VPS13D: variants seen among roughly 807,000 people sequenced by gnomAD.
VPS13D encodes the protein intermembrane lipid transfer protein VPS13D.
A neutral mutation model predicts 461.9 loss-of-function variants in VPS13D; 187 were observed. The observed-to-expected ratio is 0.40, with a 90% CI of 0.36 to 0.46. The LOEUF is 0.46. VPS13D is among the 20% of genes least tolerant of loss of function. The pLI, the probability that VPS13D is intolerant of heterozygous loss-of-function variation, is 0.60. For missense variants in VPS13D, 4,711 were observed against 5,364.9 expected (o/e 0.88, Z 3.81); for synonymous variants, 1,951 against 1,986.3 (o/e 0.98, Z 0.47).
intron 67 of VPS13D, among the ~76,000 whole-genome samples, chr1:12,474,600 A>G (rs1645605778): frequency 6.6e-6 from 1 of 152,124 alleles, no homozygotes; most frequent in African/African-American, 2.4e-5. Context: ...TGCACCTTTT[A>G]TTTCACGATT....
chr1:12,266,743 T>G, intron 13 of VPS13D, 138 bp from the exon 14 acceptor site: 1 of 845,024 alleles, frequency 1.2e-6, no homozygotes, highest in South Asian at 2.6e-5. Flanking sequence ...TAGATAGGGT[T>G]TTTTTGTTTG....
Position 12,267,908 on chromosome 1 carries a change from G to A in VPS13D, c.1789G>A (p.Asp597Asn), listed in dbSNP as rs1295111044. The change falls in exon 15 of 70, where the codon GAT (aspartate) becomes AAT (asparagine). Residue 597 changes from aspartate (D) to asparagine (N), a missense_variant. Around this residue, in one of 3 missense-constraint regions of VPS13D, gnomAD observed 4,411 missense variants for 4,937.8 expected, o/e 0.89. Transcript: ENST00000620676. Reference sequence around the variant, plus strand: ...ACAAACTACATCTGCAGACAGAAGTGATCATTACCCAGGTAATTTGTCCTA... The same window carrying A: ...ACAAACTACATCTGCAGACAGAAGTAATCATTACCCAGGTAATTTGTCCTA... ...GLQTTSADRSDHYPAADPDGP... is the reference protein window; with the variant it reads ...GLQTTSADRSNHYPAADPDGP... 3.1e-6 allele frequency: 5 copies of A among 1,613,562 alleles called. No individual in the cohort carries two copies. The South Asian group carries it at 4.4e-5, about 14-fold the overall frequency.
rs12138601 is a variant in VPS13D, at chr1:12,473,140, G to A, written c.12662+12744G>A. On this transcript the variant is annotated intron_variant, in intron 67 of 69. Transcript: ENST00000620676. The surrounding 1 kb of genome is among the most constrained non-coding windows in gnomAD (Gnocchi z 4.2). ...TCAGAGGGGCCAGCAGCTGGGGAGC[G>A]ACTGTACTTAGATCCTGGGTGCTGA... 3.3e-5 allele frequency among the ~76,000 whole-genome samples: 5 copies of A among 152,176 alleles called. No individual in the cohort carries two copies. The highest frequency in any genetic ancestry group is 7.3e-5 in the Non-Finnish European group (5 of 68,028).
At chr1:12,288,402 T>A in intron 22 of VPS13D, 89 bp downstream of exon 22, 1 of 1,180,450 alleles carries the variant, frequency 8.5e-7, no homozygotes, top group Non-Finnish European at 1.3e-6. Flanking sequence ...CCTCACGTGC[T>A]GAGTAAGGTG....
intron 65 of VPS13D, chr1:12,453,853 G>C (rs1645293783): frequency 6.6e-6 from 1 of 152,154 alleles, no homozygotes; most frequent in South Asian, 2.1e-4. Context: ...CACAGTGCCA[G>C]AGCTGGAAAG....
chr1:12,245,988 T>G (rs1037487571), intron 5 of VPS13D, among the ~76,000 whole-genome samples: 1 of 152,214 alleles, frequency 6.6e-6, no homozygotes, highest in African/African-American at 2.4e-5. Context: ...TGTCAAAGAT[T>G]AAACAAAGCT....
At chr1:12,448,146 T>A (rs1645217676) in intron 65 of VPS13D, among the ~76,000 whole-genome samples, 1 of 151,990 alleles carries the variant, frequency 6.6e-6, no homozygotes, top group African/African-American at 2.4e-5. Flanking sequence ...CTAAAGAGAG[T>A]GTGTCTTTTG....
rs185792239 is a variant in VPS13D at position 12,260,326 on chromosome 1, C to T, written c.1111-367C>T. ...AGGCGTGAGCCACCGCACCTGGCCA[C>T]ACTTTAGTGACTCTTAAAACTGAGT... On this transcript the variant is annotated intron_variant, in intron 10 of 69. Coordinates refer to ENST00000620676, the MANE Select transcript of VPS13D (RefSeq NM_015378.4). Among the ~76,000 whole-genome samples, 243 of 152,188 alleles carry T rather than the reference C, an allele frequency of 1.6e-3. 1 individual carries two copies. Among genetic ancestry groups the T allele is most frequent in the African/African-American group, 5.7e-3 (237 of 41,536 alleles).
At chr1:12,475,245 A>G (rs926288979) in intron 67 of VPS13D, among the ~76,000 whole-genome samples, 22 of 152,156 alleles carry the variant, frequency 1.4e-4, no homozygotes, top group African/African-American at 5.3e-4. Flanking sequence ...CTCTGATGCT[A>G]CTGTGCTTTG....
At chr1:12,292,248 G>A (rs1472536277) in intron 23 of VPS13D, among the ~76,000 whole-genome samples, 4 of 114,450 alleles carry the variant, frequency 3.5e-5, no homozygotes, top group African/African-American at 1.4e-4. Context: ...GGTGACAAGA[G>A]CGAAACTCCA....
At chr1:12,284,169 C>T (rs936704333) in intron 21 of VPS13D, among the ~76,000 whole-genome samples, 1 of 152,200 alleles carries the variant, frequency 6.6e-6, no homozygotes, top group South Asian at 2.1e-4. Context: ...TTGAGGGCAA[C>T]AGCGTAACTG....
intron 46 of VPS13D, among the ~76,000 whole-genome samples, chr1:12,353,009 G>T (rs1021375675): frequency 2.2e-5 from 3 of 134,364 alleles, no homozygotes; most frequent in African/African-American, 8.5e-5. Context: ...ACCCAGCAAG[G>T]CCACTCTGGG....
intron 22 of VPS13D, among the ~76,000 whole-genome samples, chr1:12,290,417 T>C (rs1642092014): frequency 6.6e-6 from 1 of 152,072 alleles, no homozygotes; most frequent in South Asian, 2.1e-4. Flanking sequence ...TTTATAAAGG[T>C]TTTATCCTTT....
intron 23 of VPS13D, among the ~76,000 whole-genome samples, chr1:12,291,733 C>T (rs1020632879): frequency 2.6e-5 from 4 of 152,194 alleles, no homozygotes; most frequent in Non-Finnish European, 5.9e-5. Flanking sequence ...TGTCCTGAGA[C>T]AAGTCATGCA....
chr1:12,296,880 A>G (rs763742258), intron 24 of VPS13D, among the ~76,000 whole-genome samples: 2 of 152,216 alleles, frequency 1.3e-5, no homozygotes, highest in African/African-American at 2.4e-5. Flanking sequence ...AGATACTTGT[A>G]TATTACTGAG....
chr1:12,436,497 A>G (rs763971910), intron 65 of VPS13D, among the ~76,000 whole-genome samples: 3 of 152,130 alleles, frequency 2.0e-5, no homozygotes, highest in Non-Finnish European at 2.9e-5. Flanking sequence ...AGACTGGCTC[A>G]TTGTACATCC....
At chr1:12,448,079 G>A (rs142261314) in intron 65 of VPS13D, among the ~76,000 whole-genome samples, 3 of 152,208 alleles carry the variant, frequency 2.0e-5, no homozygotes, top group Non-Finnish European at 4.4e-5. Context: ...AACCAAGGTC[G>A]CCGTGGGTAA....
At position 12,348,906 on chromosome 1, in the gene VPS13D, C is replaced by T. The variant is rs148900735; in HGVS notation, c.9153C>T (p.Ala3051=). The change falls in exon 45 of 70, where the codon GCC becomes GCT. Residue 3051 remains alanine (A), a synonymous_variant. Coordinates refer to ENST00000620676, the MANE Select transcript of VPS13D (RefSeq NM_015378.4). ...SARKVITVRS[A]LIVRNRLETP... is the part of the protein sequence containing the mutation. The stretch of plus-strand genomic sequence containing the variant: ...GGAAAGTCATCACTGTCCGGTCAGC[C>T]CTCATTGTGAGGAACAGACTTGAGA... The T allele has an allele frequency of 4.3e-6, 7 of 1,614,016 alleles. No homozygotes were observed. Among genetic ancestry groups the T allele is most frequent in the African/African-American group, 1.3e-5 (1 of 74,892 alleles).
intron 21 of VPS13D, among the ~76,000 whole-genome samples, chr1:12,286,773 G>A (rs768504804): frequency 6.6e-6 from 1 of 152,216 alleles, no homozygotes; most frequent in Non-Finnish European, 1.5e-5. Flanking sequence ...AGTGGTGGTG[G>A]TGGTGGTTGG....
Sources: gnomAD v4.1 joint callset for allele counts (sites outside exome capture counted in the v4.1 genomes callset) on GRCh38, gnomAD v4.1.1 for gene constraint, gnomAD v4.1.1 regional missense constraint, Gnocchi (gnomAD v3.1) non-coding constraint, MANE v1.5 for transcripts, NCBI Gene and HGNC (gene_info 2026-07-23, HGNC 2026-07-21) for gene names.